SVOP: variants seen among roughly 807,000 people sequenced by gnomAD.
SVOP encodes the protein synaptic vesicle 2-related protein.
In SVOP, 17 loss-of-function variants were observed where a neutral mutation model predicts 69.1. That is an observed-to-expected ratio of 0.25 (90% CI 0.17 to 0.37). The LOEUF is 0.37. Ranked by LOEUF, SVOP falls within the 10% of genes least tolerant of loss-of-function variation. The pLI, the probability that SVOP is intolerant of heterozygous loss-of-function variation, is 1.00. For synonymous variants in SVOP, 238 were observed against 238.6 expected, an observed-to-expected ratio of 1.00 and a Z score of 0.02; for missense variants, 435 against 597.5, an observed-to-expected ratio of 0.73 and a Z score of 2.84.
At chr12:108,995,467 G>A (rs2040226070) in intron 1 of SVOP, among the ~76,000 whole-genome samples, 1 of 152,160 alleles carries the variant, frequency 6.6e-6, no homozygotes, top group African/African-American at 2.4e-5. Context: ...CACAGATGTA[G>A]AAAGCAGGAT....
chr12:108,966,995 G>A (rs1387228579), intron 5 of SVOP, among the ~76,000 whole-genome samples: 1 of 152,054 alleles, frequency 6.6e-6, no homozygotes, highest in African/African-American at 2.4e-5. Flanking sequence ...TTATGTACAA[G>A]GGCCATTTAC....
chr12:109,008,875 C>A (rs1222386334), intron 1 of SVOP, among the ~76,000 whole-genome samples: 1 of 151,838 alleles, frequency 6.6e-6, no homozygotes, highest in African/African-American at 2.4e-5. Flanking sequence ...GAGTGGGTTA[C>A]TCTTCTGATT....
intron 1 of SVOP, among the ~76,000 whole-genome samples, chr12:108,995,730 G>A (rs1229193308): frequency 6.6e-6 from 1 of 151,926 alleles, no homozygotes; most frequent in African/African-American, 2.4e-5. Flanking sequence ...GTGAAACCCT[G>A]TCTCTACTGA....
At chr12:108,927,493 C>T (rs1466977304) in intron 11 of SVOP, among the ~76,000 whole-genome samples, 1 of 152,090 alleles carries the variant, frequency 6.6e-6, no homozygotes, top group African/African-American at 2.4e-5. Context: ...CTATTGTCTC[C>T]CCTTCCCCCC....
chr12:108,997,753 G>C (rs1331131621), intron 1 of SVOP, among the ~76,000 whole-genome samples: 6 of 151,570 alleles, frequency 4.0e-5, no homozygotes, highest in Non-Finnish European at 1.5e-5. Flanking sequence ...TGAGGGTCCT[G>C]TCTGTTAGAA....
At chr12:108,913,034 T>A (rs1024899520) in intron 15 of SVOP, among the ~76,000 whole-genome samples, 1 of 152,170 alleles carries the variant, frequency 6.6e-6, no homozygotes, top group Admixed American at 6.5e-5. Flanking sequence ...CTCTTCTTTA[T>A]AAATTACCTG....
chr12:108,986,671 G>A (rs1288614527), intron 1 of SVOP, among the ~76,000 whole-genome samples: 2 of 152,100 alleles, frequency 1.3e-5, no homozygotes, highest in African/African-American at 4.8e-5. Flanking sequence ...GGGCCAATAG[G>A]CACATAATAA....
chr12:108,971,868 A>G (rs2040081098), intron 5 of SVOP, among the ~76,000 whole-genome samples: 1 of 152,070 alleles, frequency 6.6e-6, no homozygotes, highest in Non-Finnish European at 1.5e-5. Context: ...AGCCTGGGCA[A>G]TATGGTGAAA....
intron 1 of SVOP, among the ~76,000 whole-genome samples, chr12:109,007,930 G>A (rs1216999891): frequency 1.3e-5 from 2 of 151,768 alleles, no homozygotes; most frequent in Non-Finnish European, 2.9e-5. Flanking sequence ...CTCAGCTACT[G>A]GGGAGGATGA....
At chr12:108,989,826 C>T (rs974751551) in intron 1 of SVOP, among the ~76,000 whole-genome samples, 1 of 152,220 alleles carries the variant, frequency 6.6e-6, no homozygotes, top group African/African-American at 2.4e-5. Flanking sequence ...AGGGATTCAT[C>T]ACTGAATTCC....
intron 6 of SVOP, among the ~76,000 whole-genome samples, chr12:108,946,364 C>A (rs1056488984): frequency 6.6e-6 from 1 of 151,978 alleles, no homozygotes; most frequent in Non-Finnish European, 1.5e-5. Context: ...CTTCCCAAAG[C>A]GCTAGGATTA....
At chr12:108,965,852 C>T (rs1473319161) in intron 5 of SVOP, among the ~76,000 whole-genome samples, 1 of 152,134 alleles carries the variant, frequency 6.6e-6, no homozygotes, top group Admixed American at 6.5e-5. Flanking sequence ...TAAGATAGAC[C>T]TAATAGCTTT....
Position 108,987,706 on chromosome 12 carries a change from T to C in SVOP, c.36-3945A>G, listed in dbSNP as rs144637137. Reference sequence around the variant, plus strand: ...TTCCCTAATGTTGAGCAACTTATTATGTGCTTATTGGCCCTTTGTACATCT... The same window carrying C: ...TTCCCTAATGTTGAGCAACTTATTACGTGCTTATTGGCCCTTTGTACATCT... On this transcript the variant is annotated intron_variant, in intron 1 of 15. Transcript: ENST00000610966. 6.5e-3 allele frequency among the ~76,000 whole-genome samples: 983 copies of C among 152,368 alleles called. 21 individuals carry two copies. The highest frequency in any genetic ancestry group is 0.051 in the East Asian group (265 of 5,192).
intron 1 of SVOP, among the ~76,000 whole-genome samples, chr12:109,009,669 C>A (rs534401883): frequency 6.6e-6 from 1 of 152,290 alleles, no homozygotes; most frequent in Admixed American, 6.5e-5. Context: ...CCTGCCTCAG[C>A]CTCCCAAACT....
chr12:108,939,029 G>T, intron 8 of SVOP, 74 bp from the exon 9 acceptor site: 1 of 1,603,110 alleles, frequency 6.2e-7, no homozygotes. Flanking sequence ...TAGCCACACA[G>T]TGTTGCATGT....
intron 1 of SVOP, among the ~76,000 whole-genome samples, chr12:109,009,562 G>A (rs370515796): frequency 1.2e-4 from 18 of 152,000 alleles, no homozygotes; most frequent in South Asian, 8.3e-4. Flanking sequence ...ACAGGCACCC[G>A]CCACCACGCC....
At position 108,910,952 on chromosome 12, in the gene SVOP, A is replaced by G. The variant is rs2039677929; in HGVS notation, c.*1583T>C. Reference sequence around the variant, plus strand: ...TTGGCTTCCTTGCAATGTTTACTTCAAGCAGTAGGTCTGTCTGCTCTGGCC... The same window carrying G: ...TTGGCTTCCTTGCAATGTTTACTTCGAGCAGTAGGTCTGTCTGCTCTGGCC... On this transcript the variant is annotated 3_prime_UTR_variant, in exon 16 of 16. Transcript: ENST00000610966. The G allele has an allele frequency of 6.6e-6, 1 of 152,234 alleles. No individual in the cohort carries two copies. The highest frequency in any genetic ancestry group is 1.5e-5 in the Non-Finnish European group (1 of 68,050). The allele number at this position is 152,234 out of a possible 1,614,324, so 9.4% of individuals were successfully genotyped here.
Position 108,938,838 on chromosome 12 carries a change from T to C in SVOP, c.886A>G (p.Ile296Val), listed in dbSNP as rs1002799820. The C allele has an allele frequency of 6.2e-7, 1 of 1,613,968 alleles. No homozygotes were observed. Among genetic ancestry groups the C allele is most frequent in the South Asian group, 1.1e-5 (1 of 91,084 alleles). The change falls in exon 9 of 16, where the codon ATC (isoleucine) becomes GTC (valine). Residue 296 changes from isoleucine to valine, a missense_variant. By Grantham distance (29) the Ile-to-Val change is conservative. Transcript: ENST00000610966. ...GAPMPLGKLI[I>V]SRQEDRGKMR... ...GTCCAGGCACTGACCTGTCTGGAGA[T>C]GATGAGTTTCCCCAGCGGCATGGGA...
At chr12:108,951,266 A>G (rs1055252694) in intron 6 of SVOP, among the ~76,000 whole-genome samples, 1 of 152,228 alleles carries the variant, frequency 6.6e-6, no homozygotes, top group Non-Finnish European at 1.5e-5. Flanking sequence ...ACCTTACTCC[A>G]GGTTTCCCAC....
Sources: allele counts gnomAD v4.1 joint callset (sites outside exome capture counted in the v4.1 genomes callset), GRCh38; gene constraint gnomAD v4.1.1; transcripts MANE v1.5; gene names NCBI Gene and HGNC (gene_info 2026-07-23, HGNC 2026-07-21).